The following SLC4A10 variants were observed in gnomAD, a reference collection of about 807,000 sequenced individuals.
SLC4A10 encodes solute carrier family 4 member 10, also known as sodium-driven chloride bicarbonate exchanger.
SLC4A10 carries 42 observed loss-of-function variants against 137.7 expected under a neutral mutation model. The observed-to-expected ratio is 0.30, with a 90% CI of 0.24 to 0.39. The LOEUF is 0.39. Among genes scored for constraint, SLC4A10 ranks in the 10% least tolerant of loss-of-function variants. The pLI is 1.00. For missense variants in SLC4A10, 925 were observed against 1,355.0 expected, an observed-to-expected ratio of 0.68 and a Z score of 4.98; for synonymous variants, 474 against 464.1, an observed-to-expected ratio of 1.02 and a Z score of -0.27.
Position 161,805,481 on chromosome 2 carries a change from G to C in SLC4A10, c.277+886G>C, listed in dbSNP as rs372826364. On this transcript the variant is annotated intron_variant, in intron 3 of 26. Transcript: ENST00000446997. Reference sequence around the variant, plus strand: ...GAGATAAGGCAAGTCCCTTCCACCTGTGAGCCTGTAAAATCAAAAGCAAGC... The same window carrying C: ...GAGATAAGGCAAGTCCCTTCCACCTCTGAGCCTGTAAAATCAAAAGCAAGC... Among the ~76,000 whole-genome samples, 68 of 152,244 alleles carry C rather than the reference G, an allele frequency of 4.5e-4. 1 individual carries two copies. Among genetic ancestry groups the C allele is most frequent in the African/African-American group, 1.6e-3 (67 of 41,570 alleles).
intron 12 of SLC4A10, 168 bp downstream of exon 12, chr2:161,901,179 A>G: frequency 1.6e-6 from 1 of 616,842 alleles, no homozygotes. Context: ...AATGATTGTC[A>G]TTACTGTTAA....
At chr2:161,697,731 A>G (rs2124977295) in intron 1 of SLC4A10, among the ~76,000 whole-genome samples, 1 of 152,296 alleles carries the variant, frequency 6.6e-6, no homozygotes, top group Non-Finnish European at 1.5e-5. Context: ...GTTTGAAGTC[A>G]GGTAGCATGA....
intron 1 of SLC4A10, among the ~76,000 whole-genome samples, chr2:161,740,068 A>G (rs2047728100): frequency 6.6e-6 from 1 of 152,170 alleles, no homozygotes; most frequent in African/African-American, 2.4e-5. Flanking sequence ...GGCTTTTACC[A>G]GGGTTTTGAT....
intron 2 of SLC4A10, among the ~76,000 whole-genome samples, chr2:161,791,596 C>A (rs1218982417): frequency 6.6e-6 from 1 of 152,132 alleles, no homozygotes; most frequent in East Asian, 1.9e-4. Context: ...AACAAAACTG[C>A]ACATATTGCC....
chr2:161,716,518 G>A (rs879335538), intron 1 of SLC4A10, among the ~76,000 whole-genome samples: 1 of 151,842 alleles, frequency 6.6e-6, no homozygotes, highest in Non-Finnish European at 1.5e-5. Flanking sequence ...AAGATGTAAG[G>A]AAAAGGTCCA....
chr2:161,744,234 T>G (rs898991134), intron 1 of SLC4A10, among the ~76,000 whole-genome samples: 2 of 152,170 alleles, frequency 1.3e-5, no homozygotes, highest in Non-Finnish European at 2.9e-5. Context: ...CTTTCAATTT[T>G]TCCCCATGTA....
chr2:161,773,624 A>C (rs542446632), intron 2 of SLC4A10, among the ~76,000 whole-genome samples: 11 of 151,846 alleles, frequency 7.2e-5, no homozygotes, highest in South Asian at 2.1e-4. Context: ...TAACATTCTG[A>C]GTACAGGTTG....
intron 10 of SLC4A10, among the ~76,000 whole-genome samples, chr2:161,888,770 C>T (rs764799766): frequency 5.9e-5 from 9 of 152,076 alleles, no homozygotes; most frequent in South Asian, 2.1e-4. Context: ...ATTTGAATAC[C>T]TTTATTTCCT....
In SLC4A10 at chr2:161,658,330, G is replaced by A. The variant is rs999564830; in HGVS notation, c.48+33764G>A. 3.9e-5 allele frequency among the ~76,000 whole-genome samples: 6 copies of A among 152,288 alleles called. No homozygotes were observed. The East Asian group carries it at 7.7e-4, about 20-fold the overall frequency. On this transcript the variant is annotated intron_variant, in intron 1 of 26. Coordinates refer to ENST00000446997, the MANE Select transcript of SLC4A10 (RefSeq NM_001178015.2). ...AACATTTAAGATAAAACAATTGATA[G>A]TATTTGCCTTGCTGTTTAATAGGTT...
intron 1 of SLC4A10, among the ~76,000 whole-genome samples, chr2:161,736,939 C>T (rs941862330): frequency 7.9e-5 from 12 of 152,120 alleles, no homozygotes; most frequent in Non-Finnish European, 1.5e-5. Context: ...TTGTTCACTA[C>T]AGCCTTGACC....
intron 19 of SLC4A10, among the ~76,000 whole-genome samples, chr2:161,952,445 C>T (rs954269797): frequency 5.3e-5 from 8 of 152,108 alleles, no homozygotes; most frequent in Non-Finnish European, 1.2e-4. Context: ...CAAGTACTTG[C>T]ATTTATAGAA....
intron 1 of SLC4A10, among the ~76,000 whole-genome samples, chr2:161,725,409 T>G (rs932258370): frequency 6.6e-6 from 1 of 152,216 alleles, no homozygotes; most frequent in African/African-American, 2.4e-5. Flanking sequence ...TGGCACATTG[T>G]AAGCCTTATG....
At chr2:161,831,127 G>T (rs966497211) in intron 3 of SLC4A10, among the ~76,000 whole-genome samples, 1 of 152,112 alleles carries the variant, frequency 6.6e-6, no homozygotes, top group Non-Finnish European at 1.5e-5. Context: ...GGGAAAGACT[G>T]GCAGAAGATG....
chr2:161,964,119 C>A lies in SLC4A10; in HGVS notation c.2863-16C>A, dbSNP rs752503976. The A allele has an allele frequency of 3.2e-6, 5 of 1,570,042 alleles. No homozygotes were observed. The highest frequency in any genetic ancestry group is 4.3e-6 in the Non-Finnish European group (5 of 1,156,456). Reference sequence around the variant, plus strand: ...GTCTTACACCTAAAAACAATTTAGTCTGTTTAATCTTTTAGTTCTTTGATA... The same window carrying A: ...GTCTTACACCTAAAAACAATTTAGTATGTTTAATCTTTTAGTTCTTTGATA... On this transcript the variant is annotated splice_polypyrimidine_tract_variant and intron_variant, in intron 21 of 26. Transcript: ENST00000446997.
intron 23 of SLC4A10, among the ~76,000 whole-genome samples, chr2:161,968,432 T>G (rs1266967064): frequency 1.3e-5 from 2 of 152,182 alleles, no homozygotes; most frequent in Non-Finnish European, 2.9e-5. Context: ...TAAAAGTAAC[T>G]AAATAGCACT....
intron 2 of SLC4A10, among the ~76,000 whole-genome samples, chr2:161,796,807 G>A (rs2054822911): frequency 6.6e-6 from 1 of 152,068 alleles, no homozygotes; most frequent in African/African-American, 2.4e-5. Flanking sequence ...GGTTTTTCCA[G>A]GCAAGCCTTT....
intron 1 of SLC4A10, among the ~76,000 whole-genome samples, chr2:161,753,878 A>ATTTAT (rs2125319405): frequency 6.7e-6 from 1 of 148,522 alleles, no homozygotes; most frequent in African/African-American, 2.5e-5. Context: ...TTATTTATTT[A>ATTTAT]TTTATTTATT....
chr2:161,828,191 A>T lies in SLC4A10; in HGVS notation c.278-11598A>T, dbSNP rs140986613. ...CCACTTTGCTAGACAAAGCCTGCGCATTTGGACTTGTGCTCATTACATGAT... is the reference window on the plus strand; with the variant it reads ...CCACTTTGCTAGACAAAGCCTGCGCTTTTGGACTTGTGCTCATTACATGAT... On this transcript the variant is annotated intron_variant, in intron 3 of 26. Coordinates refer to ENST00000446997, the MANE Select transcript of SLC4A10 (RefSeq NM_001178015.2). 3.5e-3 allele frequency among the ~76,000 whole-genome samples: 539 copies of T among 152,318 alleles called. 1 individual carries two copies. The highest frequency in any genetic ancestry group is 5.2e-3 in the Non-Finnish European group (355 of 68,022).
intron 3 of SLC4A10, among the ~76,000 whole-genome samples, chr2:161,831,230 C>T (rs1308643628): frequency 6.6e-6 from 1 of 152,054 alleles, no homozygotes. Context: ...TTCACCTTTG[C>T]CCTCTGAAAT....
Sources: allele counts gnomAD v4.1 joint callset (sites outside exome capture counted in the v4.1 genomes callset), GRCh38; gene constraint gnomAD v4.1.1; transcripts MANE v1.5; gene names NCBI Gene and HGNC (gene_info 2026-07-23, HGNC 2026-07-21).